Variants in TENT4B observed in about 807,000 individuals in gnomAD.
TENT4B encodes the protein PAP associated domain containing 5.
In TENT4B, 10 loss-of-function variants were observed where a neutral mutation model predicts 75.0. The observed-to-expected ratio is 0.13, with a 90% CI of 0.08 to 0.23. The LOEUF is 0.23. Among genes scored for constraint, TENT4B ranks in the 10% least tolerant of loss-of-function variants. TENT4B has a pLI of 1.00. For synonymous variants in TENT4B, 350 were observed against 357.7 expected (o/e 0.98, Z 0.24); for missense variants, 579 against 893.8 (o/e 0.65, Z 4.49).
rs140214232 is a variant in TENT4B at position 50,219,748 on chromosome 16, CCTTTT to C, written c.1038+2093_1038+2097del. Among the ~76,000 whole-genome samples the C allele has an allele frequency of 5.5e-3, 822 of 148,538 alleles. 9 individuals carry two copies. Among genetic ancestry groups the C allele is most frequent in the African/African-American group, 0.019 (753 of 40,348 alleles). On this transcript the variant is annotated intron_variant, in intron 5 of 11. Transcript: ENST00000561678. The stretch of plus-strand genomic sequence containing the variant: ...CCTTTTCTCTCTTTTTCTTTCCCTC[CCTTTT>C]CTTTTCTCTTTTCTCTTCTTCCTTT...
In TENT4B at chr16:50,229,955, A is replaced by G. The variant is rs143865765; in HGVS notation, c.*627A>G. 2.1e-6 allele frequency: 2 copies of G among 944,792 alleles called. No homozygotes were observed. The highest frequency in any genetic ancestry group is 1.2e-4 in the East Asian group (1 of 8,614). 58.5% of individuals were successfully genotyped at this position (944,792 alleles called of 1,614,324 possible). On this transcript the variant is annotated 3_prime_UTR_variant, in exon 12 of 12. Coordinates refer to ENST00000561678, the MANE Select transcript of TENT4B (RefSeq NM_001365324.3). ...TCAGGATTAGTTTGAAAAATAATCT[A>G]AATTGTCATCTTAACATCCATATAT...
In TENT4B at chr16:50,230,038, T is replaced by C. The variant is rs1288526531; in HGVS notation, c.*710T>C. On this transcript the variant is annotated 3_prime_UTR_variant, in exon 12 of 12. Coordinates refer to ENST00000561678, the MANE Select transcript of TENT4B (RefSeq NM_001365324.3). ...TTTTCTCAGCATTGAAATGACTTAA[T>C]AGAACCCTTGTGTCCTGCTGCAAAA... 3 of 985,060 alleles carry C rather than the reference T, an allele frequency of 3.0e-6. No homozygotes were observed. Among genetic ancestry groups the C allele is most frequent in the East Asian group, 2.3e-4 (2 of 8,812 alleles). The allele number at this position is 985,060 out of a possible 1,614,324, so 61.0% of individuals were successfully genotyped here. A position where few individuals can be genotyped will look rare whatever the true frequency, so the allele number is the denominator to read the frequency against.
chr16:50,160,327 T>C (rs2037980098), intron 1 of TENT4B, among the ~76,000 whole-genome samples: 3 of 152,208 alleles, frequency 2.0e-5, no homozygotes, highest in Admixed American at 2.0e-4. Flanking sequence ...TTGTGGACTC[T>C]TTTTTAACAC....
intron 1 of TENT4B, among the ~76,000 whole-genome samples, chr16:50,163,246 G>A (rs1180478897): frequency 1.3e-5 from 2 of 152,026 alleles, no homozygotes; most frequent in African/African-American, 2.4e-5. Flanking sequence ...CAGGAACTTG[G>A]ACTTAATAAA....
chr16:50,164,741 A>T (rs191184588), intron 1 of TENT4B, among the ~76,000 whole-genome samples: 10 of 152,052 alleles, frequency 6.6e-5, no homozygotes, highest in Non-Finnish European at 1.3e-4. Context: ...TTTGACTTAA[A>T]AAAAAAGGTT....
intron 1 of TENT4B, among the ~76,000 whole-genome samples, chr16:50,210,413 G>T (rs757042203): frequency 6.6e-6 from 1 of 152,198 alleles, no homozygotes; most frequent in East Asian, 1.9e-4. Context: ...ATAGTCAGGC[G>T]CTGCGCCTAT....
intron 1 of TENT4B, among the ~76,000 whole-genome samples, chr16:50,175,056 T>C (rs906762904): frequency 2.6e-5 from 4 of 152,136 alleles, no homozygotes; most frequent in African/African-American, 9.7e-5. Flanking sequence ...TACTCTTTTC[T>C]TAGCCTCTGG....
At chr16:50,193,589 C>T (rs920052785) in intron 1 of TENT4B, among the ~76,000 whole-genome samples, 8 of 152,052 alleles carry the variant, frequency 5.3e-5, no homozygotes, top group African/African-American at 1.4e-4. Flanking sequence ...CCACCTGCCT[C>T]GGCCTCCCAA....
chr16:50,182,946 TGGG>T (rs903038241), intron 1 of TENT4B, among the ~76,000 whole-genome samples: 1 of 135,236 alleles, frequency 7.4e-6, no homozygotes, highest in African/African-American at 2.8e-5. Flanking sequence ...TTGCCTAGGC[TGGG>T]CTCAAGCAAT....
In TENT4B at chr16:50,191,640, C is replaced by A. The variant is rs565120432; in HGVS notation, c.639-19683C>A. Among the ~76,000 whole-genome samples, 404 of 151,416 alleles carry A rather than the reference C, an allele frequency of 2.7e-3. 4 individuals carry two copies. The highest frequency in any genetic ancestry group is 2.3e-3 in the Non-Finnish European group (156 of 68,022). On this transcript the variant is annotated intron_variant, in intron 1 of 11. Coordinates refer to ENST00000561678, the MANE Select transcript of TENT4B (RefSeq NM_001365324.3). The stretch of plus-strand genomic sequence containing the variant: ...AGCCTTTAAAAATATCATTAATAGG[C>A]CAGGCGCAGTGGCTCATGCCTGTAA...
Position 50,233,637 on chromosome 16 carries a change from T to G in TENT4B, c.*4309T>G, listed in dbSNP as rs1292215238. 1 of 983,786 alleles carries G rather than the reference T, an allele frequency of 1.0e-6. No homozygotes were observed. The highest frequency in any genetic ancestry group is 6.1e-5 in the Admixed American group (1 of 16,266). 60.9% of individuals were successfully genotyped at this position (983,786 alleles called of 1,614,324 possible). ...AGAATTAAATATTTGAGGACAGTTT[T>G]TAGTTAATAAACTGCTAATGTTTAT... On this transcript the variant is annotated 3_prime_UTR_variant, in exon 12 of 12. Coordinates refer to ENST00000561678, the MANE Select transcript of TENT4B (RefSeq NM_001365324.3).
At chr16:50,215,554 C>T (rs2150738614) in intron 3 of TENT4B, among the ~76,000 whole-genome samples, 1 of 152,306 alleles carries the variant, frequency 6.6e-6, no homozygotes, top group Middle Eastern at 3.4e-3. Context: ...CTCAGTCCCA[C>T]CTCTGCCCCC....
rs924216481 is a variant in TENT4B, at chr16:50,231,545, G to A, written c.*2217G>A. ...GGTGCGAATATTAGTGTTCCAATAA[G>A]CATGTGATTATATTAAGGTGGTGGT... is the stretch of plus-strand genomic sequence containing the variant. On this transcript the variant is annotated 3_prime_UTR_variant, in exon 12 of 12. Transcript: ENST00000561678. The A allele has an allele frequency of 2.0e-5, 20 of 985,586 alleles. No homozygotes were observed. In the African/African-American group the frequency reaches 3.3e-4, roughly 16 times the overall value. 61.1% of individuals were successfully genotyped at this position (985,586 alleles called of 1,614,324 possible). A position where few individuals can be genotyped will look rare whatever the true frequency, so the allele number is the denominator to read the frequency against.
rs759602880 is a variant in TENT4B, at chr16:50,227,907, AG to A, written c.1872del (p.Ser625ArgfsTer56). 1.2e-6 allele frequency: 2 copies of A among 1,614,048 alleles called. No homozygotes were observed. The highest frequency in any genetic ancestry group is 2.2e-5 in the East Asian group (1 of 44,884). On this transcript the variant is annotated frameshift_variant, in exon 11 of 12. Coordinates refer to ENST00000561678, the MANE Select transcript of TENT4B (RefSeq NM_001365324.3). LOFTEE classifies it high-confidence loss of function. ...LCRPSTGNRV[G>X]SQDVSLESSQ... ...GCCGTCCGTCCACTGGGAACCGAGT[AG>A]GGTCGCAAGATGTATCCTTGGAGTC...
Position 50,229,684 on chromosome 16 carries a change from T to C in TENT4B, c.*356T>C, listed in dbSNP as rs1191287074. The C allele has an allele frequency of 1.0e-6, 1 of 998,580 alleles. No individual in the cohort carries two copies. Among genetic ancestry groups the C allele is most frequent in the Non-Finnish European group, 1.2e-6 (1 of 838,800 alleles). The allele number at this position is 998,580 out of a possible 1,614,324, so 61.9% of individuals were successfully genotyped here. ...ATAGTATTCAGTGTTGGTAGGGTGA[T>C]AGAAACAAAAAACAGTATCAGAGGA... is the stretch of plus-strand genomic sequence containing the variant. On this transcript the variant is annotated 3_prime_UTR_variant, in exon 12 of 12. Coordinates refer to ENST00000561678, the MANE Select transcript of TENT4B (RefSeq NM_001365324.3).
chr16:50,185,206 T>C (rs1018576083), intron 1 of TENT4B, among the ~76,000 whole-genome samples: 2 of 152,218 alleles, frequency 1.3e-5, no homozygotes, highest in Admixed American at 1.3e-4. Flanking sequence ...TTGCAGTAAG[T>C]AAATTATCAA....
intron 1 of TENT4B, among the ~76,000 whole-genome samples, chr16:50,199,517 C>T (rs2030499585): frequency 6.6e-6 from 1 of 152,212 alleles, no homozygotes; most frequent in Non-Finnish European, 1.5e-5. Context: ...TTTTGTGTTT[C>T]ACCTATTAAT....
intron 1 of TENT4B, among the ~76,000 whole-genome samples, chr16:50,191,689 G>A (rs1360594662): frequency 6.6e-6 from 1 of 152,218 alleles, no homozygotes; most frequent in Admixed American, 6.5e-5. Context: ...GGAGGCCGAG[G>A]CGGGCAGATC....
In TENT4B at chr16:50,153,452, G is replaced by T; in HGVS notation, c.-170G>T. ...GAGCGACGCCGCCGGCGCCGGCCGGGCTCCCTGCGCGACCGCGCCGCCCGC... is the reference window on the plus strand; with the variant it reads ...GAGCGACGCCGCCGGCGCCGGCCGGTCTCCCTGCGCGACCGCGCCGCCCGC... On this transcript the variant is annotated 5_prime_UTR_variant, in exon 1 of 12. Transcript: ENST00000561678. 9.7e-6 allele frequency: 9 copies of T among 926,024 alleles called. No individual in the cohort carries two copies. The highest frequency in any genetic ancestry group is 1.2e-5 in the Non-Finnish European group (9 of 778,722). The allele number at this position is 926,024 out of a possible 1,614,324, so 57.4% of individuals were successfully genotyped here.
Sources: gnomAD v4.1 joint callset for allele counts (sites outside exome capture counted in the v4.1 genomes callset) on GRCh38, gnomAD v4.1.1 for gene constraint, MANE v1.5 for transcripts, NCBI Gene and HGNC (gene_info 2026-07-23, HGNC 2026-07-21) for gene names.